Variants in RPL18A observed in about 807,000 individuals in gnomAD.
The protein encoded by RPL18A is large ribosomal subunit protein eL20.
For missense variants in RPL18A, 163 were observed against 254.1 expected (o/e 0.64, Z 2.44); for synonymous variants, 122 against 96.9 (o/e 1.26, Z -1.52).
At position 17,862,233 on chromosome 19, in the gene RPL18A, C is replaced by A; in HGVS notation, c.328+10C>A. ...GCTGTCACCCAGTGCTGTAAGCTGC[C>A]TGTCCCGCCTCCAGCTTTTTAGACC... is the stretch of plus-strand genomic sequence containing the variant. On this transcript the variant is annotated intron_variant, in intron 3 of 4. Coordinates refer to ENST00000222247, the MANE Select transcript of RPL18A (RefSeq NM_000980.4). 1.2e-6 allele frequency: 2 copies of A among 1,612,550 alleles called. No homozygotes were observed. The highest frequency in any genetic ancestry group is 1.7e-6 in the Non-Finnish European group (2 of 1,179,878).
chr19:17,860,019 G>A lies in RPL18A; in HGVS notation c.18+45G>A, dbSNP rs1019288397. ...GCAGGGGGCCAAGGGATGGGGCACG[G>A]GCCCCATCAGGGGCCTGCATAAGTG... is the stretch of plus-strand genomic sequence containing the variant. On this transcript the variant is annotated intron_variant, in intron 1 of 4. Coordinates refer to ENST00000222247, the MANE Select transcript of RPL18A (RefSeq NM_000980.4). 2.8e-5 allele frequency: 41 copies of A among 1,475,636 alleles called. No homozygotes were observed. In the African/African-American group the frequency reaches 4.9e-4, roughly 18 times the overall value. The allele number at this position is 1,475,636 out of a possible 1,614,324, so 91.4% of individuals were successfully genotyped here. A position where few individuals can be genotyped will look rare whatever the true frequency, so the allele number is the denominator to read the frequency against.
intron 1 of RPL18A, among the ~76,000 whole-genome samples, chr19:17,860,509 C>G (rs1599894382): frequency 6.6e-6 from 1 of 152,230 alleles, no homozygotes; most frequent in Non-Finnish European, 1.5e-5. Context: ...AGATCTCCAG[C>G]TTCGGTTTCC....
Position 17,862,209 on chromosome 19 carries a change from C to T in RPL18A, c.314C>T (p.Ala105Val). 6.2e-7 allele frequency: 1 copy of T among 1,613,486 alleles called. No individual in the cohort carries two copies. Among genetic ancestry groups the T allele is most frequent in the Non-Finnish European group, 8.5e-7 (1 of 1,180,026 alleles). The change falls in exon 3 of 5, where the codon GCT (alanine) becomes GTT (valine). Residue 105 changes from alanine to valine, a missense_variant. By Grantham distance (64) the Ala-to-Val change is moderately conservative. Coordinates refer to ENST00000222247, the MANE Select transcript of RPL18A (RefSeq NM_000980.4). ...REYRDLTTAG[A>V]VTQCYRDMGA... ...TACCGGGACCTGACCACCGCAGGCG[C>T]TGTCACCCAGTGCTGTAAGCTGCCT...
At chr19:17,862,749 G>T in intron 3 of RPL18A, 169 bp from the exon 4 acceptor site, 1 of 761,656 alleles carries the variant, frequency 1.3e-6, no homozygotes, top group Non-Finnish European at 2.4e-6. Flanking sequence ...AGGGACCCAG[G>T]CCTTGGGCTA....
At chr19:17,861,724 G>C in intron 2 of RPL18A, 1 of 561,460 alleles carries the variant, frequency 1.8e-6, no homozygotes, top group Non-Finnish European at 3.2e-6. Flanking sequence ...GGGACACCTT[G>C]GTTGGTGCTG....
intron 2 of RPL18A, 144 bp from the exon 3 acceptor site, chr19:17,861,950 G>T (rs2094278174): frequency 2.1e-6 from 2 of 930,442 alleles, no homozygotes; most frequent in Admixed American, 2.9e-5. Flanking sequence ...GGTAGGTGGG[G>T]CTGGGAAACT....
At chr19:17,861,922 T>C (rs1356636227) in intron 2 of RPL18A, 172 bp from the exon 3 acceptor site, 7 of 716,274 alleles carry the variant, frequency 9.8e-6, no homozygotes, top group Non-Finnish European at 1.6e-5. Flanking sequence ...TACCTCACGC[T>C]CCCTGAGGAT....
chr19:17,861,244 A>G (rs200698036), intron 1 of RPL18A, 49 bp from the exon 2 acceptor site: 1,604 of 1,564,756 alleles, frequency 1.0e-3, no homozygotes, highest in Non-Finnish European at 1.4e-3. Context: ...GTGGATCTCC[A>G]CAGTTGCCTC....
intron 1 of RPL18A, 79 bp downstream of exon 1, chr19:17,860,053 C>A (rs1466572922): frequency 8.5e-6 from 11 of 1,297,754 alleles, no homozygotes; most frequent in Non-Finnish European, 1.1e-5. Flanking sequence ...TGGCGTGGGC[C>A]GGGTTGGTGC....
At chr19:17,862,679 T>C (rs1568414223) in intron 3 of RPL18A, 3 of 753,376 alleles carry the variant, frequency 4.0e-6, no homozygotes, top group Non-Finnish European at 7.3e-6. Flanking sequence ...TTTGGGGGGC[T>C]GTGGCCGTGC....
At chr19:17,862,458 A>G (rs2094279162) in intron 3 of RPL18A, 6 of 670,844 alleles carry the variant, frequency 8.9e-6, no homozygotes, top group Middle Eastern at 4.2e-4. Flanking sequence ...CCTTGTTTAG[A>G]CTGGGATCCA....
At chr19:17,862,657 G>A (rs1412498571) in intron 3 of RPL18A, 1 of 745,638 alleles carries the variant, frequency 1.3e-6, no homozygotes, top group Non-Finnish European at 2.5e-6. Context: ...ACAGCAAGCG[G>A]ATCTTGTCGC....
At chr19:17,860,956 C>T (rs1162738397) in intron 1 of RPL18A, 2 of 304,494 alleles carry the variant, frequency 6.6e-6, no homozygotes, top group South Asian at 4.4e-5. Context: ...GGCTGTTTGA[C>T]GGCGACTGCA....
chr19:17,859,986 G>A lies in RPL18A; in HGVS notation c.18+12G>A, dbSNP rs764223731. On this transcript the variant is annotated intron_variant, in intron 1 of 4. Transcript: ENST00000222247. ...AGGCCTCGGGCACGGTAAGGCGGGC[G>A]CGGCGCGGCAGGGGGCCAAGGGATG... 9.9e-6 allele frequency: 15 copies of A among 1,519,132 alleles called. No individual in the cohort carries two copies. The highest frequency in any genetic ancestry group is 8.9e-5 in the Admixed American group (4 of 45,184). 94.1% of individuals were successfully genotyped at this position (1,519,132 alleles called of 1,614,324 possible).
Position 17,863,035 on chromosome 19 carries a change from C to G in RPL18A, c.438+8C>G, listed in dbSNP as rs763642010. 3 of 1,602,508 alleles carry G rather than the reference C, an allele frequency of 1.9e-6. No individual in the cohort carries two copies. Among genetic ancestry groups the G allele is most frequent in the Non-Finnish European group, 2.6e-6 (3 of 1,170,298 alleles). ...GCTGTCAAGCAGTTCCACGTGAGTG[C>G]CCTGGGGGACTCCCCTGGAGGGAAG... On this transcript the variant is annotated splice_region_variant and intron_variant, in intron 4 of 4. Transcript: ENST00000222247.
intron 3 of RPL18A, chr19:17,862,465 TCCACATCACCACTGTTTTCTGGGAC>T (rs1349650600): frequency 3.0e-6 from 2 of 673,090 alleles, no homozygotes; most frequent in African/African-American, 3.6e-5. Flanking sequence ...TAGACTGGGA[TCCACATCACCACTGTTTTCTGGGAC>T]CCACTGAGAA....
chr19:17,861,134 G>C, intron 1 of RPL18A, 159 bp from the exon 2 acceptor site: 2 of 623,964 alleles, frequency 3.2e-6, no homozygotes, highest in Non-Finnish European at 5.7e-6. Flanking sequence ...GTGGTCGGGA[G>C]TGTGACCTAC....
At chr19:17,861,884 T>C in intron 2 of RPL18A, 1 of 604,556 alleles carries the variant, frequency 1.7e-6, no homozygotes, top group South Asian at 2.1e-5. Flanking sequence ...AAGCCTGGAC[T>C]TCAGGCTGTT....
chr19:17,860,166 C>T (rs966378886), intron 1 of RPL18A, 192 bp downstream of exon 1: 2 of 539,550 alleles, frequency 3.7e-6, no homozygotes, highest in Middle Eastern at 3.2e-4. Context: ...CGATGCGTGA[C>T]CTGGGCCAGC....
Sources: allele counts gnomAD v4.1 joint callset (sites outside exome capture counted in the v4.1 genomes callset), GRCh38; gene constraint gnomAD v4.1.1; transcripts MANE v1.5; gene names NCBI Gene and HGNC (gene_info 2026-07-23, HGNC 2026-07-21).